OASL: variants seen among roughly 807,000 people sequenced by gnomAD.
OASL encodes the protein 2'-5'-oligoadenylate synthase-like protein.
A neutral mutation model predicts 35.3 loss-of-function variants in OASL; 28 were observed. That is an observed-to-expected ratio of 0.79 (90% CI 0.59 to 1.09). OASL has a LOEUF of 1.09. OASL is among the 50% of genes least tolerant of loss of function. The probability of loss-of-function intolerance (pLI) is 0.00; values close to 1 mark genes in which losing one functional copy is unlikely to be tolerated. For missense variants in OASL, 620 were observed against 635.2 expected (o/e 0.98, Z 0.26); for synonymous variants, 252 against 254.6 (o/e 0.99, Z 0.10).
rs755698761 is a variant in OASL at position 121,020,797 on chromosome 12, A to C, written c.1309T>G (p.Phe437Val). ...CTCCCACCATCAGGATTCTTCACGAAGACCTGGATCTCGGAGGGGATGGTC... is the reference window on the plus strand; with the variant it reads ...CTCCCACCATCAGGATTCTTCACGACGACCTGGATCTCGGAGGGGATGGTC... The change falls in exon 6 of 6, where the codon TTC (phenylalanine) becomes GTC (valine). Residue 437 changes from phenylalanine to valine, a missense_variant. Transcript: ENST00000257570. The C allele has an allele frequency of 2.4e-5, 38 of 1,613,968 alleles. No homozygotes were observed. The highest frequency in any genetic ancestry group is 1.6e-4 in the Middle Eastern group (1 of 6,084).
At chr12:121,020,501 T>C in exon 6 of OASL, 6 of 1,506,866 alleles carry the variant, frequency 4.0e-6, no homozygotes, top group Non-Finnish European at 5.4e-6. Context: ...GACAGAGTGA[T>C]TGACAGGATG....
In OASL at chr12:121,038,073, C is replaced by T. The variant is rs917261302; in HGVS notation, c.198+701G>A. 7.4e-5 allele frequency among the ~76,000 whole-genome samples: 11 copies of T among 148,456 alleles called. No individual in the cohort carries two copies. The South Asian group carries it at 1.3e-3, about 17-fold the overall frequency. On this transcript the variant is annotated intron_variant, in intron 1 of 5. Coordinates refer to ENST00000257570, the Ensembl canonical transcript of OASL. ...CTGCACTCCAGCCTGGGTGACAGAG[C>T]GAGACCCTGTCTCTAAAAAAAAAAA...
chr12:121,027,410 G>A (rs866795822), intron 4 of OASL, among the ~76,000 whole-genome samples, 166 bp downstream of exon 4: 10 of 152,342 alleles, frequency 6.6e-5, no homozygotes, highest in Middle Eastern at 3.4e-3. Context: ...ACTTTGATAA[G>A]CCACCAACTT....
chr12:121,027,533 C>G (rs762275277), intron 4 of OASL, 43 bp downstream of exon 4: 3 of 1,609,698 alleles, frequency 1.9e-6, no homozygotes, highest in Non-Finnish European at 2.5e-6. Context: ...GCCCGTCTCT[C>G]TTTTTTTCTG....
intron 4 of OASL, 138 bp downstream of exon 4, chr12:121,027,438 G>T: frequency 7.8e-7 from 1 of 1,279,510 alleles, no homozygotes; most frequent in Non-Finnish European, 1.1e-6. Context: ...CAGCTGTGTT[G>T]GTGTGGGAGG....
At chr12:121,025,936 G>A (rs1338421078) in intron 4 of OASL, among the ~76,000 whole-genome samples, 1 of 152,110 alleles carries the variant, frequency 6.6e-6, no homozygotes, top group Non-Finnish European at 1.5e-5. Context: ...CCCTAAAACA[G>A]TCCTGCCTGA....
At chr12:121,028,277 A>G (rs74520828) in intron 3 of OASL, among the ~76,000 whole-genome samples, 3,604 of 152,266 alleles carry the variant, frequency 0.024, 154 homozygotes, top group African/African-American at 0.083. Context: ...ATTGCATAGT[A>G]GCCATGATGT....
At chr12:121,037,770 CAAA>C (rs35053672) in intron 1 of OASL, among the ~76,000 whole-genome samples, 2 of 133,686 alleles carry the variant, frequency 1.5e-5, no homozygotes, top group African/African-American at 2.7e-5. Flanking sequence ...GACTCTGTCT[CAAA>C]AAAAAAAAAA....
intron 1 of OASL, among the ~76,000 whole-genome samples, chr12:121,034,334 T>G (rs1219059547): frequency 1.3e-5 from 2 of 152,102 alleles, no homozygotes; most frequent in Non-Finnish European, 2.9e-5. Flanking sequence ...GCCTGGCTAA[T>G]TTTTGTATTT....
chr12:121,021,146 C>A (rs115049464), intron 5 of OASL, 88 bp from the exon 6 acceptor site: 3 of 1,355,874 alleles, frequency 2.2e-6, no homozygotes, highest in African/African-American at 1.5e-5. Flanking sequence ...CTTATCTTTA[C>A]AATAGTAGCA....
intron 3 of OASL, among the ~76,000 whole-genome samples, chr12:121,030,266 G>T (rs955654536): frequency 2.6e-5 from 4 of 152,070 alleles, no homozygotes; most frequent in Admixed American, 1.3e-4. Context: ...GTACAGTGGC[G>T]CGATCTCGGC....
chr12:121,024,388 G>A lies in OASL; in HGVS notation c.900-251C>T, dbSNP rs576692117. On this transcript the variant is annotated intron_variant, in intron 4 of 5. Transcript: ENST00000257570. ...TCCCAGCACTTTGGGAGGCTGAGGC[G>A]GGAGGATCACTTGAGGTCAGGAGTT... Among the ~76,000 whole-genome samples, 15 of 152,186 alleles carry A rather than the reference G, an allele frequency of 9.9e-5. No homozygotes were observed. The East Asian group carries it at 1.2e-3, about 12-fold the overall frequency.
chr12:121,023,125 A>G (rs1565903744), intron 5 of OASL, among the ~76,000 whole-genome samples: 2 of 152,140 alleles, frequency 1.3e-5, no homozygotes, highest in African/African-American at 4.8e-5. Context: ...GTTTGGCATC[A>G]TATAATAATA....
chr12:121,020,735 C>G lies in OASL; in HGVS notation c.1371G>C (p.Leu457=), dbSNP rs746425778. 2.5e-6 allele frequency: 4 copies of G among 1,614,042 alleles called. No individual in the cohort carries two copies. The African/African-American group carries it at 5.3e-5, about 22-fold the overall frequency. The stretch of plus-strand genomic sequence containing the variant: ...GGTCTTCAATCTGCTGCTTCAGACC[C>G]AGGATGAAGCTGTTGGGGTTGATGG... The change falls in exon 6 of 6, where the codon CTG becomes CTC. Residue 457 remains leucine, a synonymous_variant. Coordinates refer to ENST00000257570, the Ensembl canonical transcript of OASL.
At chr12:121,034,311 C>G (rs571046992) in intron 1 of OASL, among the ~76,000 whole-genome samples, 26 of 152,182 alleles carry the variant, frequency 1.7e-4, no homozygotes, top group Admixed American at 1.0e-3. Context: ...GGACTACAGG[C>G]CTGCGCCACC....
downstream of OASL, among the ~76,000 whole-genome samples, chr12:121,018,261 G>A (rs1592929143): frequency 6.6e-6 from 1 of 152,156 alleles, no homozygotes; most frequent in South Asian, 2.1e-4. Context: ...AGCACCAAAT[G>A]AGGACGGGGC....
intron 1 of OASL, among the ~76,000 whole-genome samples, chr12:121,036,157 C>T (rs1869950257): frequency 6.6e-6 from 1 of 152,206 alleles, no homozygotes; most frequent in African/African-American, 2.4e-5. Context: ...GCCACTGTGC[C>T]TGGCGTAGAC....
exon 1 of OASL, chr12:121,038,980 C>G: frequency 6.2e-7 from 1 of 1,612,758 alleles, no homozygotes; most frequent in Non-Finnish European, 8.5e-7. Context: ...ATCTCTGTCC[C>G]GAGAGTACCG....
exon 6 of OASL, chr12:121,020,431 G>T: frequency 1.0e-6 from 1 of 1,002,406 alleles, no homozygotes; most frequent in Non-Finnish European, 1.5e-6. Context: ...TACCACGTCT[G>T]GCCTGGGATA....
Sources: gnomAD v4.1 joint callset for allele counts (sites outside exome capture counted in the v4.1 genomes callset) on GRCh38, gnomAD v4.1.1 for gene constraint, MANE v1.5 for transcripts, NCBI Gene and HGNC (gene_info 2026-07-23, HGNC 2026-07-21) for gene names.